Variants in ATP2A2 observed in about 807,000 individuals in gnomAD.
ATP2A2 encodes the protein ATPase sarcoplasmic/endoplasmic reticulum Ca2+ transporting 2.
In ATP2A2, 14 loss-of-function variants were observed where a neutral mutation model predicts 109.3. The observed-to-expected ratio is 0.13, with a 90% confidence interval of 0.08 to 0.20. The LOEUF is 0.20. ATP2A2 is among the 10% of genes least tolerant of loss of function. The pLI, the probability that ATP2A2 is intolerant of heterozygous loss-of-function variation, is 1.00. For missense variants in ATP2A2, 657 were observed against 1,321.6 expected (o/e 0.50, Z 7.80); for synonymous variants, 506 against 490.9 (o/e 1.03, Z -0.41).
chr12:110,299,851 CTGGG>C (rs1874367420), intron 5 of ATP2A2, among the ~76,000 whole-genome samples: 1 of 152,162 alleles, frequency 6.6e-6, no homozygotes, highest in South Asian at 2.1e-4. Flanking sequence ...TCTCAAACTC[CTGGG>C]CTCAGGCAGT....
intron 18 of ATP2A2, 120 bp from the exon 19 acceptor site, chr12:110,345,880 TC>T (rs1879799098): frequency 5.2e-6 from 5 of 959,874 alleles, no homozygotes; most frequent in Non-Finnish European, 5.1e-6. Flanking sequence ...TGGAGGTAGG[TC>T]AGCGGATGGT....
At position 110,347,527 on chromosome 12, in the gene ATP2A2, TTTC is replaced by T; in HGVS notation, c.*1059_*1061del. 7.8e-7 allele frequency: 1 copy of T among 1,288,624 alleles called. No homozygotes were observed. The highest frequency in any genetic ancestry group is 1.2e-5 in the South Asian group (1 of 81,002). The allele number at this position is 1,288,624 out of a possible 1,614,324, so 79.8% of individuals were successfully genotyped here. On this transcript the variant is annotated 3_prime_UTR_variant, in exon 20 of 20. Coordinates refer to ENST00000539276, the MANE Select transcript of ATP2A2 (RefSeq NM_170665.4). ...ATCTGTGATGTACATTTTATGCAAG[TTTC>T]TGCTGGCCTGGTATAGAGAACATAA...
At chr12:110,299,618 A>ATTTGT (rs774637466) in intron 5 of ATP2A2, among the ~76,000 whole-genome samples, 113 of 152,016 alleles carry the variant, frequency 7.4e-4, no homozygotes, top group East Asian at 3.5e-3. Context: ...AAAACAGCAG[A>ATTTGT]TTTGTTTTGT....
intron 3 of ATP2A2, among the ~76,000 whole-genome samples, chr12:110,284,039 G>A (rs990013951): frequency 7.2e-5 from 11 of 152,188 alleles, no homozygotes; most frequent in African/African-American, 2.7e-4. Flanking sequence ...GTATTGTGTA[G>A]CCATTAATAA....
rs775106211 is a variant in ATP2A2 at position 110,342,223 on chromosome 12, T to G, written c.2098-5T>G. ...GGCTGACCCAACCATTGCTTTCCCTTTCAGACTGGCGATGGCGTGAACGAT... is the reference window on the plus strand; with the variant it reads ...GGCTGACCCAACCATTGCTTTCCCTGTCAGACTGGCGATGGCGTGAACGAT... On this transcript the variant is annotated splice_region_variant and splice_polypyrimidine_tract_variant and intron_variant, in intron 14 of 19. Transcript: ENST00000539276. The surrounding 1 kb of genome is among the most constrained non-coding windows in gnomAD (Gnocchi z 4.6). 1.2e-6 allele frequency: 2 copies of G among 1,614,246 alleles called. No homozygotes were observed. The highest frequency in any genetic ancestry group is 2.2e-5 in the South Asian group (2 of 91,086).
At chr12:110,296,876 TA>T in intron 5 of ATP2A2, 139 bp downstream of exon 5, 1 of 1,019,240 alleles carries the variant, frequency 9.8e-7, no homozygotes, top group Non-Finnish European at 1.4e-6. Flanking sequence ...ATACAAATCC[TA>T]CATTCTCTAA....
In ATP2A2 at chr12:110,323,121, T is replaced by TC. The variant is rs1196846388; in HGVS notation, c.544+51dup. 4 of 1,395,920 alleles carry TC rather than the reference T, an allele frequency of 2.9e-6. No homozygotes were observed. In the African/African-American group the frequency reaches 5.7e-5, roughly 20 times the overall value. The allele number at this position is 1,395,920 out of a possible 1,614,324, so 86.5% of individuals were successfully genotyped here. A position where few individuals can be genotyped will look rare whatever the true frequency, so the allele number is the denominator to read the frequency against. ...TGAATTTCTGAAGACCTTCGCATAT[T>TC]CCATGCCAATAGAGTTGGCTCTTGC... is the stretch of plus-strand genomic sequence containing the variant. On this transcript the variant is annotated intron_variant, in intron 6 of 19. Coordinates refer to ENST00000539276, the MANE Select transcript of ATP2A2 (RefSeq NM_170665.4).
chr12:110,340,841 G>A lies in ATP2A2; in HGVS notation c.1944G>A (p.Thr648=), dbSNP rs1448615410. 20 of 1,614,110 alleles carry A rather than the reference G, an allele frequency of 1.2e-5. No individual in the cohort carries two copies. The highest frequency in any genetic ancestry group is 1.7e-5 in the Admixed American group (1 of 60,006). ...IGIFGQDEDV[T]SKAFTGREFD... ...TCTTCGGGCAGGATGAGGACGTGAC[G>A]TCAAAAGCTTTCACAGGCCGGGAGT... is the stretch of plus-strand genomic sequence containing the variant. Residue 648 remains threonine (T), a synonymous_variant, in exon 14 of 20, where the codon ACG becomes ACA. Coordinates refer to ENST00000539276, the MANE Select transcript of ATP2A2 (RefSeq NM_170665.4). The surrounding 1 kb of genome is among the most constrained non-coding windows in gnomAD (Gnocchi z 6.0).
At chr12:110,305,862 G>A (rs925008985) in intron 5 of ATP2A2, among the ~76,000 whole-genome samples, 5 of 151,414 alleles carry the variant, frequency 3.3e-5, no homozygotes, top group Admixed American at 6.6e-5. Flanking sequence ...CATGAGCATA[G>A]GGATGTCTGT....
upstream of ATP2A2, chr12:110,280,964 G>A (rs1871972063): frequency 6.6e-6 from 1 of 152,200 alleles, no homozygotes; most frequent in Non-Finnish European, 1.5e-5. Context: ...TGCGTCTGCA[G>A]GTGGGTGGGT....
chr12:110,350,441 T>G lies in ATP2A2; in HGVS notation c.*3971T>G. The G allele has an allele frequency of 4.3e-6, 6 of 1,405,142 alleles. No individual in the cohort carries two copies. Among genetic ancestry groups the G allele is most frequent in the Non-Finnish European group, 6.0e-6 (6 of 999,572 alleles). 87.0% of individuals were successfully genotyped at this position (1,405,142 alleles called of 1,614,324 possible). On this transcript the variant is annotated 3_prime_UTR_variant, in exon 20 of 20. Transcript: ENST00000539276. Reference sequence around the variant, plus strand: ...AAGTAAAAAACTTCCCAACTCACTTTGTGTTATGTGGAGGAAATGTGTATT... The same window carrying G: ...AAGTAAAAAACTTCCCAACTCACTTGGTGTTATGTGGAGGAAATGTGTATT...
rs558122984 is a variant in ATP2A2 at position 110,340,004 on chromosome 12, A to G, written c.1761+283A>G. ...CCCCATTTTGCCTCTCATCTAAATC[A>G]TGATTTTTTTTAAATTGGTGACATT... On this transcript the variant is annotated intron_variant, in intron 13 of 19. Coordinates refer to ENST00000539276, the MANE Select transcript of ATP2A2 (RefSeq NM_170665.4). The surrounding 1 kb of genome is among the most constrained non-coding windows in gnomAD (Gnocchi z 6.0). Among the ~76,000 whole-genome samples the G allele has an allele frequency of 2.0e-5, 3 of 152,326 alleles. No individual in the cohort carries two copies. The South Asian group carries it at 6.2e-4, about 32-fold the overall frequency.
chr12:110,323,609 A>G (rs891714966), intron 6 of ATP2A2, among the ~76,000 whole-genome samples: 5 of 152,202 alleles, frequency 3.3e-5, no homozygotes, highest in African/African-American at 1.2e-4. Context: ...CAGGAGTTAA[A>G]GACGGGCCTG....
At chr12:110,343,609 T>A (rs1879566486) in intron 16 of ATP2A2, among the ~76,000 whole-genome samples, 175 bp downstream of exon 16, 1 of 152,234 alleles carries the variant, frequency 6.6e-6, no homozygotes, top group South Asian at 2.1e-4. Flanking sequence ...CAGAGTCCTT[T>A]CACAGTTAGT....
In ATP2A2 at chr12:110,293,050, A is replaced by G. The variant is rs571601458; in HGVS notation, c.324+926A>G. 2.6e-5 allele frequency among the ~76,000 whole-genome samples: 4 copies of G among 152,208 alleles called. No individual in the cohort carries two copies. The East Asian group carries it at 7.7e-4, about 29-fold the overall frequency. On this transcript the variant is annotated intron_variant, in intron 4 of 19. Transcript: ENST00000539276. Reference sequence around the variant, plus strand: ...TTGATCTTTTAGGTATTTGACGGATATAATCACCCCTTTGAGGACTGAAGT... The same window carrying G: ...TTGATCTTTTAGGTATTTGACGGATGTAATCACCCCTTTGAGGACTGAAGT...
intron 1 of ATP2A2, 45 bp downstream of exon 1, chr12:110,281,952 G>C: frequency 6.7e-7 from 1 of 1,491,818 alleles, no homozygotes; most frequent in South Asian, 1.2e-5. Flanking sequence ...GCGGCCGGGA[G>C]AGCCAGGGAA....
intron 5 of ATP2A2, among the ~76,000 whole-genome samples, chr12:110,315,735 G>A (rs904311079): frequency 1.3e-5 from 2 of 152,186 alleles, no homozygotes; most frequent in African/African-American, 4.8e-5. Flanking sequence ...GAGGTTGGGA[G>A]TTCGAGACCA....
chr12:110,280,763 G>T (rs1051541550), upstream of ATP2A2: 13 of 152,320 alleles, frequency 8.5e-5, no homozygotes, highest in Non-Finnish European at 1.2e-4. Flanking sequence ...TCTGAGGGGG[G>T]CTCTGAAGGA....
At chr12:110,307,417 G>A (rs543111869) in intron 5 of ATP2A2, among the ~76,000 whole-genome samples, 9 of 151,662 alleles carry the variant, frequency 5.9e-5, no homozygotes, top group African/African-American at 2.2e-4. Context: ...TTTTTTCGTA[G>A]AGATGAGGTC....
Sources: allele counts gnomAD v4.1 joint callset (sites outside exome capture counted in the v4.1 genomes callset), GRCh38; gene constraint gnomAD v4.1.1; non-coding constraint Gnocchi (gnomAD v3.1); transcripts MANE v1.5; gene names NCBI Gene and HGNC (gene_info 2026-07-23, HGNC 2026-07-21).